The following CNTN4 variants were observed in gnomAD, a reference collection of about 807,000 sequenced individuals.
CNTN4 encodes the protein contactin-4.
In CNTN4, 77 loss-of-function variants were observed where a neutral mutation model predicts 122.5. The ratio of observed to expected loss-of-function variants is 0.63; its 90% CI spans 0.52 to 0.76. CNTN4 has a LOEUF of 0.76. CNTN4 is among the 30% of genes least tolerant of loss of function. The probability of loss-of-function intolerance (pLI) is 0.00; values close to 1 mark genes in which losing one functional copy is unlikely to be tolerated. For missense variants in CNTN4, 1,256 were observed against 1,259.1 expected (o/e 1.00, Z 0.04); for synonymous variants, 512 against 447.0 (o/e 1.15, Z -1.83).
At chr3:2,736,379 G>A in intron 5 of CNTN4, 38 bp downstream of exon 5, 1 of 1,593,178 alleles carries the variant, frequency 6.3e-7, no homozygotes, top group Non-Finnish European at 8.6e-7. Flanking sequence ...CATGCATATA[G>A]TTTCTGTTAT....
intron 3 of CNTN4, among the ~76,000 whole-genome samples, chr3:2,352,016 T>A (rs1290573077): frequency 6.6e-6 from 1 of 152,212 alleles, no homozygotes; most frequent in Admixed American, 6.5e-5. Flanking sequence ...CTCAGTTTAA[T>A]CATTTTTGAT....
intron 14 of CNTN4, among the ~76,000 whole-genome samples, chr3:3,001,877 C>A (rs913952922): frequency 6.6e-6 from 1 of 152,174 alleles, no homozygotes; most frequent in African/African-American, 2.4e-5. Context: ...ACTCCCATAT[C>A]TATACCAGAA....
At chr3:2,944,153 G>A (rs1559700017) in intron 13 of CNTN4, among the ~76,000 whole-genome samples, 2 of 151,372 alleles carry the variant, frequency 1.3e-5, no homozygotes, top group East Asian at 1.9e-4. Context: ...AATTTTTGGG[G>A]GGTTTTTTTT....
At chr3:2,886,567 A>C (rs2093981980) in intron 9 of CNTN4, among the ~76,000 whole-genome samples, 1 of 143,116 alleles carries the variant, frequency 7.0e-6, no homozygotes, top group Admixed American at 7.1e-5. Flanking sequence ...GCTGGAGTGC[A>C]GTAGTGCGAT....
At chr3:2,656,062 C>A (rs936407495) in intron 4 of CNTN4, among the ~76,000 whole-genome samples, 3 of 152,110 alleles carry the variant, frequency 2.0e-5, no homozygotes, top group African/African-American at 7.2e-5. Context: ...TTATTGTCCT[C>A]GAGGCATTAG....
At chr3:2,531,076 G>A (rs1399987574) in intron 3 of CNTN4, among the ~76,000 whole-genome samples, 1 of 152,128 alleles carries the variant, frequency 6.6e-6, no homozygotes, top group African/African-American at 2.4e-5. Context: ...TGAATGCTAA[G>A]CCTGGGGAAA....
At chr3:2,825,416 G>C (rs760304966) in intron 7 of CNTN4, among the ~76,000 whole-genome samples, 1 of 151,934 alleles carries the variant, frequency 6.6e-6, no homozygotes, top group East Asian at 1.9e-4. Context: ...TAGAGACAGG[G>C]TTTTGCCATG....
chr3:2,849,128 C>T (rs933819802), intron 7 of CNTN4, among the ~76,000 whole-genome samples: 2 of 152,188 alleles, frequency 1.3e-5, no homozygotes, highest in Non-Finnish European at 2.9e-5. Flanking sequence ...GATCCACTGT[C>T]CTGGAAACAT....
chr3:2,481,069 C>CTTTCTTTCTT (rs1316209675), intron 3 of CNTN4, among the ~76,000 whole-genome samples: 4 of 138,692 alleles, frequency 2.9e-5, no homozygotes, highest in African/African-American at 8.3e-5. Flanking sequence ...TTCTCTCTTT[C>CTTTCTTTCTT]TCTCTTTCTC....
intron 8 of CNTN4, among the ~76,000 whole-genome samples, chr3:2,876,802 A>G (rs2093849861): frequency 1.3e-5 from 2 of 152,218 alleles, no homozygotes; most frequent in South Asian, 4.1e-4. Flanking sequence ...CAGACTCTGG[A>G]TGGACTTGGT....
At chr3:2,125,897 G>T (rs2034121349) in intron 2 of CNTN4, among the ~76,000 whole-genome samples, 1 of 129,800 alleles carries the variant, frequency 7.7e-6, no homozygotes, top group Non-Finnish European at 1.6e-5. Flanking sequence ...TATTTCTGGT[G>T]TGTGTGTGTG....
intron 4 of CNTN4, among the ~76,000 whole-genome samples, chr3:2,689,134 C>G (rs1000392950): frequency 2.6e-5 from 4 of 152,190 alleles, no homozygotes; most frequent in African/African-American, 9.7e-5. Context: ...TGACTGCCAA[C>G]CTCCATCCAG....
intron 11 of CNTN4, 134 bp downstream of exon 11, chr3:2,900,955 T>C: frequency 2.7e-6 from 3 of 1,126,262 alleles, no homozygotes. Context: ...GTGGAAAAAG[T>C]GAGAGTGAAT....
intron 13 of CNTN4, among the ~76,000 whole-genome samples, chr3:2,979,251 G>A (rs929659774): frequency 4.6e-5 from 7 of 152,090 alleles, no homozygotes; most frequent in South Asian, 2.1e-4. Context: ...TTTCTGGGGC[G>A]CCTAAGCACA....
chr3:2,528,966 C>G (rs1467528048), intron 3 of CNTN4, among the ~76,000 whole-genome samples: 1 of 152,034 alleles, frequency 6.6e-6, no homozygotes, highest in African/African-American at 2.4e-5. Context: ...CATTCAAAAT[C>G]CTCTCTTCTA....
chr3:2,416,842 G>A (rs933999767), intron 3 of CNTN4, among the ~76,000 whole-genome samples: 9 of 152,166 alleles, frequency 5.9e-5, no homozygotes, highest in African/African-American at 2.2e-4. Context: ...TTTTAGTAGA[G>A]ACGGGGTTTC....
intron 4 of CNTN4, among the ~76,000 whole-genome samples, chr3:2,714,456 G>A (rs1382604652): frequency 6.6e-6 from 1 of 152,088 alleles, no homozygotes; most frequent in Non-Finnish European, 1.5e-5. Flanking sequence ...TCACTGGTTG[G>A]GTTGCCTGGG....
chr3:2,461,268 T>A (rs144350003), intron 3 of CNTN4, among the ~76,000 whole-genome samples: 1 of 152,300 alleles, frequency 6.6e-6, no homozygotes, highest in East Asian at 1.9e-4. Context: ...ATGTTAGTAG[T>A]TATAGAAAAA....
chr3:2,531,314 A>G (rs1575872812), intron 3 of CNTN4, among the ~76,000 whole-genome samples: 1 of 152,268 alleles, frequency 6.6e-6, no homozygotes, highest in East Asian at 1.9e-4. Context: ...TTGGGCGGGT[A>G]GGCCTGGGTA....
Sources: gnomAD v4.1 joint callset for allele counts (sites outside exome capture counted in the v4.1 genomes callset) on GRCh38, gnomAD v4.1.1 for gene constraint, MANE v1.5 for transcripts, NCBI Gene and HGNC (gene_info 2026-07-23, HGNC 2026-07-21) for gene names.